Variants in AGTPBP1 observed in about 807,000 individuals in gnomAD.
The protein encoded by AGTPBP1 is cytosolic carboxypeptidase 1.
A neutral mutation model predicts 143.9 loss-of-function variants in AGTPBP1; 70 were observed. The observed-to-expected ratio is 0.49, with a 90% CI of 0.40 to 0.59. The LOEUF is 0.59. Ranked by LOEUF, AGTPBP1 falls within the 20% of genes least tolerant of loss-of-function variation. AGTPBP1 has a pLI of 0.00. For synonymous variants in AGTPBP1, 463 were observed against 500.2 expected, an observed-to-expected ratio of 0.93 and a Z score of 0.99; for missense variants, 1,229 against 1,464.5, an observed-to-expected ratio of 0.84 and a Z score of 2.62.
chr9:85,795,062 T>G, the AGTPBP1 span, among the ~76,000 whole-genome samples: 1 of 152,190 alleles, frequency 6.6e-6, no homozygotes, highest in Non-Finnish European at 1.5e-5. Context: ...CAAACTAATT[T>G]AATGAGCAAA....
chr9:85,683,018 T>C (rs938239598), intron 3 of AGTPBP1, among the ~76,000 whole-genome samples: 1 of 152,218 alleles, frequency 6.6e-6, no homozygotes, highest in Non-Finnish European at 1.5e-5. Context: ...CATGCTATCA[T>C]GCATCATCTC....
At chr9:85,796,953 A>T in the AGTPBP1 span, among the ~76,000 whole-genome samples, 1 of 151,390 alleles carries the variant, frequency 6.6e-6, no homozygotes, top group African/African-American at 2.4e-5. Flanking sequence ...CACCCGCCTA[A>T]TTTTTTTATT....
At chr9:85,755,344 C>A in the AGTPBP1 span, among the ~76,000 whole-genome samples, 2 of 152,262 alleles carry the variant, frequency 1.3e-5, no homozygotes, top group African/African-American at 4.8e-5. Flanking sequence ...CATATTCCAT[C>A]TATATTTATG....
the AGTPBP1 span, among the ~76,000 whole-genome samples, chr9:85,762,720 T>A: frequency 6.6e-6 from 1 of 150,982 alleles, no homozygotes; most frequent in Admixed American, 6.6e-5. Context: ...TGTATACATA[T>A]GTAACAAACC....
At position 85,579,425 on chromosome 9, in the gene AGTPBP1, CTAAT is replaced by C. The variant is rs1348301200; in HGVS notation, c.3166-333_3166-330del. ...AAATGTGAAATTTAGTCATAAAAGA[CTAAT>C]TGAGATATTTAACACAGTAAATGCC... On this transcript the variant is annotated intron_variant, in intron 23 of 25. Coordinates refer to ENST00000357081, the MANE Select transcript of AGTPBP1 (RefSeq NM_001330701.2). 6.6e-5 allele frequency among the ~76,000 whole-genome samples: 10 copies of C among 152,116 alleles called. No individual in the cohort carries two copies. The South Asian group carries it at 1.5e-3, about 22-fold the overall frequency.
chr9:85,739,978 T>C (rs2134847902), intron 1 of AGTPBP1, among the ~76,000 whole-genome samples: 1 of 148,754 alleles, frequency 6.7e-6, no homozygotes, highest in South Asian at 2.1e-4. Flanking sequence ...CACTCTAGCC[T>C]GGGCGAGAGA....
intron 1 of AGTPBP1, among the ~76,000 whole-genome samples, chr9:85,719,607 C>G (rs1211228881): frequency 6.6e-6 from 1 of 152,166 alleles, no homozygotes; most frequent in Non-Finnish European, 1.5e-5. Context: ...CATCTGCAAA[C>G]AGGGGCAATT....
At chr9:85,642,680 A>C in intron 13 of AGTPBP1, 147 bp downstream of exon 13, 1 of 680,226 alleles carries the variant, frequency 1.5e-6, no homozygotes, top group Non-Finnish European at 2.5e-6. Flanking sequence ...GGATATTGAC[A>C]TAATTATTCA....
chr9:85,575,515 T>C, intron 24 of AGTPBP1, 40 bp from the exon 25 acceptor site: 1 of 1,536,724 alleles, frequency 6.5e-7, no homozygotes, highest in Non-Finnish European at 8.8e-7. Context: ...TTACAAAGTT[T>C]GCTATCTTCT....
chr9:85,622,000 T>C, intron 14 of AGTPBP1, among the ~76,000 whole-genome samples: 1 of 152,166 alleles, frequency 6.6e-6, no homozygotes, highest in East Asian at 1.9e-4. Flanking sequence ...CCAAACTGTG[T>C]CAACACAGGT....
the AGTPBP1 span, among the ~76,000 whole-genome samples, chr9:85,789,319 G>A: frequency 6.6e-6 from 1 of 152,060 alleles, no homozygotes; most frequent in Non-Finnish European, 1.5e-5. Context: ...CCCAAGGCAA[G>A]TAAAATTATT....
chr9:85,572,004 GTTTTTTTTTTTTTTTTTT>G (rs55882437), intron 25 of AGTPBP1, among the ~76,000 whole-genome samples: 98 of 43,486 alleles, frequency 2.3e-3, no homozygotes, highest in Admixed American at 6.3e-3. Context: ...GTTTGTGTGT[GTTTTTTTTTTTTTTTTTT>G]TTTTTTTTTT....
the AGTPBP1 span, among the ~76,000 whole-genome samples, chr9:85,788,551 C>T: frequency 1.3e-5 from 2 of 149,360 alleles, no homozygotes; most frequent in Admixed American, 6.7e-5. Context: ...TAATGAGGAC[C>T]TTTGTTAATA....
At chr9:85,597,321 T>A (rs1032803029) in intron 17 of AGTPBP1, among the ~76,000 whole-genome samples, 1 of 152,026 alleles carries the variant, frequency 6.6e-6, no homozygotes, top group Non-Finnish European at 1.5e-5. Flanking sequence ...GTCTCATGGA[T>A]TTTTTAGTAA....
chr9:85,776,644 A>G, the AGTPBP1 span, among the ~76,000 whole-genome samples: 1 of 152,178 alleles, frequency 6.6e-6, no homozygotes, highest in Non-Finnish European at 1.5e-5. Flanking sequence ...ACCCCAGCCA[A>G]TACTGTAACT....
At chr9:85,565,793 G>C (rs1321065476) in intron 25 of AGTPBP1, among the ~76,000 whole-genome samples, 1 of 151,974 alleles carries the variant, frequency 6.6e-6, no homozygotes, top group African/African-American at 2.4e-5. Flanking sequence ...ATTCTTATTG[G>C]AGCACTCATC....
At chr9:85,759,534 C>T in the AGTPBP1 span, among the ~76,000 whole-genome samples, 8,747 of 151,814 alleles carry the variant, frequency 0.058, 232 homozygotes, top group Non-Finnish European at 0.064. Flanking sequence ...GGGTACATAA[C>T]GAAATGAAGG....
intron 17 of AGTPBP1, among the ~76,000 whole-genome samples, chr9:85,615,119 A>G (rs548968072): frequency 2.2e-4 from 34 of 152,178 alleles, no homozygotes; most frequent in Non-Finnish European, 4.6e-4. Context: ...ACCACTAAGA[A>G]TAGGATTAAG....
chr9:85,717,676 CT>C (rs775415618), intron 1 of AGTPBP1, among the ~76,000 whole-genome samples: 3,457 of 135,386 alleles, frequency 0.026, 69 homozygotes, highest in African/African-American at 0.064. Context: ...GATGAGTATC[CT>C]TTTTTTTTTT....
Sources: gnomAD v4.1 joint callset for allele counts (sites outside exome capture counted in the v4.1 genomes callset) on GRCh38, gnomAD v4.1.1 for gene constraint, MANE v1.5 for transcripts, NCBI Gene and HGNC (gene_info 2026-07-23, HGNC 2026-07-21) for gene names.